Variants in GFPT1 observed in about 807,000 individuals in gnomAD.
GFPT1 encodes glutamine--fructose-6-phosphate transaminase 1.
In GFPT1, 40 loss-of-function variants were observed where a neutral mutation model predicts 92.0. The observed-to-expected ratio is 0.43, with a 90% CI of 0.34 to 0.57. GFPT1 has a LOEUF of 0.57. Among genes scored for constraint, GFPT1 ranks in the 20% least tolerant of loss-of-function variants. The pLI, the probability that GFPT1 is intolerant of heterozygous loss-of-function variation, is 0.02. For synonymous variants in GFPT1, 269 were observed against 280.6 expected, an observed-to-expected ratio of 0.96 and a Z score of 0.41; for missense variants, 448 against 869.1, an observed-to-expected ratio of 0.52 and a Z score of 6.09.
rs144120046 is a variant in GFPT1, at chr2:69,367,344, T to TTTGTTGTTG, written c.223+2648_223+2656dup. Among the ~76,000 whole-genome samples, 2,261 of 150,332 alleles carry TTTGTTGTTG rather than the reference T, an allele frequency of 0.015. 113 individuals are homozygous for TTTGTTGTTG. The East Asian group carries it at 0.17, about 11-fold the overall frequency. On this transcript the variant is annotated intron_variant, in intron 3 of 19. Transcript: ENST00000357308. ...ATTCACTATCATATACAACTTATTT[T>TTTGTTGTTG]TTGTTGTTGTTGTTGTTGTTGTTGT...
At position 69,324,321 on chromosome 2, in the gene GFPT1, TTAAAC is replaced by T. The variant is rs1274269269; in HGVS notation, c.*1863_*1867del. The T allele has an allele frequency of 1.1e-4, 17 of 152,256 alleles. No homozygotes were observed. The highest frequency in any genetic ancestry group is 5.9e-4 in the Admixed American group (9 of 15,294). 9.4% of individuals were successfully genotyped at this position (152,256 alleles called of 1,614,324 possible). A position where few individuals can be genotyped will look rare whatever the true frequency, so the allele number is the denominator to read the frequency against. ...TTAACTTAGAATGCTGAATCATACT[TTAAAC>T]TATAAGAAATGCTACAAACCCACAC... On this transcript the variant is annotated 3_prime_UTR_variant, in exon 20 of 20. Transcript: ENST00000357308.
rs115653599 is a variant in GFPT1 at position 69,345,697 on chromosome 2, C to G, written c.1105+207G>C. The stretch of plus-strand genomic sequence containing the variant: ...CCCTTGGTAACCATTAATCTACTTT[C>G]TCTTTCTGTGAATCTGACTATTCTA... On this transcript the variant is annotated intron_variant, in intron 12 of 19. Transcript: ENST00000357308. 0.012 allele frequency among the ~76,000 whole-genome samples: 1,784 copies of G among 152,272 alleles called. 33 individuals carry two copies. The highest frequency in any genetic ancestry group is 0.041 in the African/African-American group (1,694 of 41,550).
chr2:69,347,247 C>CA (rs1477190554), intron 11 of GFPT1, among the ~76,000 whole-genome samples: 1 of 150,798 alleles, frequency 6.6e-6, no homozygotes, highest in Non-Finnish European at 1.5e-5. Flanking sequence ...GATAAGGTCT[C>CA]ACTATGTTGC....
In GFPT1 at chr2:69,338,362, T is replaced by C. The variant is rs1670854485; in HGVS notation, c.1324+83A>G. ...GTCATCTGCAATGCCAGTTTATCTT[T>C]AAATATCAGCTTTTGCCAAGATATG... is the stretch of plus-strand genomic sequence containing the variant. On this transcript the variant is annotated intron_variant, in intron 14 of 19. Coordinates refer to ENST00000357308, the MANE Select transcript of GFPT1 (RefSeq NM_001244710.2). 6.7e-6 allele frequency: 8 copies of C among 1,196,492 alleles called. No homozygotes were observed. In the South Asian group the frequency reaches 1.0e-4, roughly 15 times the overall value. The allele number at this position is 1,196,492 out of a possible 1,614,324, so 74.1% of individuals were successfully genotyped here.
chr2:69,348,029 C>T (rs1031511402), intron 11 of GFPT1, 142 bp downstream of exon 11: 39 of 724,798 alleles, frequency 5.4e-5, no homozygotes, highest in Middle Eastern at 3.3e-4. Context: ...AAGAATCATC[C>T]CTTTTCCTAG....
intron 1 of GFPT1, among the ~76,000 whole-genome samples, chr2:69,384,693 C>CAAAAAAAAAAAAAAAAAAAAAAAAAAAAA (rs71964630): frequency 1.0e-4 from 11 of 106,612 alleles, no homozygotes; most frequent in Admixed American, 3.6e-4. Flanking sequence ...GGCCCCGTCA[C>CAAAAAAAAAAAAAAAAAAAAAAAAAAAAA]AAAAAAAAAA....
chr2:69,384,576 G>C (rs1240190691), intron 1 of GFPT1, among the ~76,000 whole-genome samples: 1 of 151,292 alleles, frequency 6.6e-6, no homozygotes. Context: ...GCCAGGTGTG[G>C]TGGTACACCC....
At chr2:69,339,840 T>C (rs1670895161) in intron 13 of GFPT1, among the ~76,000 whole-genome samples, 1 of 152,168 alleles carries the variant, frequency 6.6e-6, no homozygotes, top group Admixed American at 6.5e-5. Flanking sequence ...TCATTGAAGA[T>C]AAAATGCTCC....
chr2:69,377,207 C>CAAA lies in GFPT1; in HGVS notation c.8-3097_8-3095dup, dbSNP rs59023245. Among the ~76,000 whole-genome samples the CAAA allele has an allele frequency of 6.1e-3, 512 of 84,160 alleles. 15 individuals carry two copies. The highest frequency in any genetic ancestry group is 0.021 in the African/African-American group (443 of 21,418). The allele number at this position is 84,160 out of a possible 152,430, so 55.2% of individuals were successfully genotyped here. A position where few individuals can be genotyped will look rare whatever the true frequency, so the allele number is the denominator to read the frequency against. ...TGGGCAACAGAGCAAGACTCCGTCTCAAAAAAAAAAAAAAAAAAAAGATTA... is the reference window on the plus strand; with the variant it reads ...TGGGCAACAGAGCAAGACTCCGTCTCAAAAAAAAAAAAAAAAAAAAAAAGATTA... On this transcript the variant is annotated intron_variant, in intron 1 of 19. Coordinates refer to ENST00000357308, the MANE Select transcript of GFPT1 (RefSeq NM_001244710.2).
At chr2:69,336,353 A>G (rs995928496) in intron 15 of GFPT1, among the ~76,000 whole-genome samples, 14 of 149,428 alleles carry the variant, frequency 9.4e-5, no homozygotes, top group Admixed American at 5.4e-4. Context: ...AAAAAAAAAA[A>G]AAAGAAAAAG....
intron 9 of GFPT1, among the ~76,000 whole-genome samples, chr2:69,352,635 A>AC (rs1435529061): frequency 6.6e-6 from 1 of 151,376 alleles, no homozygotes; most frequent in Non-Finnish European, 1.5e-5. Flanking sequence ...AAAAAAAAAA[A>AC]AACAACTACT....
intron 15 of GFPT1, among the ~76,000 whole-genome samples, chr2:69,331,988 A>G (rs1401762377): frequency 6.6e-6 from 1 of 152,216 alleles, no homozygotes; most frequent in Non-Finnish European, 1.5e-5. Context: ...TTTTAGACTC[A>G]GATAACTCTT....
chr2:69,359,950 T>G (rs1671426353), intron 4 of GFPT1, among the ~76,000 whole-genome samples: 1 of 152,226 alleles, frequency 6.6e-6, no homozygotes, highest in Non-Finnish European at 1.5e-5. Flanking sequence ...AATTTTCATC[T>G]TTTTTAACTA....
At chr2:69,375,497 C>G (rs377168815) in intron 1 of GFPT1, among the ~76,000 whole-genome samples, 1 of 152,106 alleles carries the variant, frequency 6.6e-6, no homozygotes, top group East Asian at 1.9e-4. Context: ...GCAATTTTCT[C>G]AAATAAATTA....
At chr2:69,375,514 C>A (rs550434236) in intron 1 of GFPT1, among the ~76,000 whole-genome samples, 29 of 152,098 alleles carry the variant, frequency 1.9e-4, no homozygotes, top group Admixed American at 3.9e-4. Flanking sequence ...ATTATTATGC[C>A]CTAAAAAAGA....
intron 15 of GFPT1, 111 bp from the exon 16 acceptor site, chr2:69,329,909 ATTCT>A (rs1670620053): frequency 1.4e-6 from 1 of 734,414 alleles, no homozygotes; most frequent in Admixed American, 2.0e-5. Context: ...TACAGTATAT[ATTCT>A]CTATCTCTTA....
chr2:69,370,250 C>A, intron 2 of GFPT1, 142 bp from the exon 3 acceptor site: 1 of 667,654 alleles, frequency 1.5e-6, no homozygotes, highest in East Asian at 2.7e-5. Context: ...CTACTGAAAA[C>A]CTATTGTGTG....
Position 69,325,961 on chromosome 2 carries a change from A to G in GFPT1, c.*228T>C. 2.1e-6 allele frequency: 1 copy of G among 483,922 alleles called. No homozygotes were observed. Among genetic ancestry groups the G allele is most frequent in the Non-Finnish European group, 3.6e-6 (1 of 275,046 alleles). The allele number at this position is 483,922 out of a possible 1,614,324, so 30.0% of individuals were successfully genotyped here. ...AATAGCTAGAATCTTTCTGATACAG[A>G]TTCCAATATAGATTCCATTATTCAA... On this transcript the variant is annotated 3_prime_UTR_variant, in exon 20 of 20. Coordinates refer to ENST00000357308, the MANE Select transcript of GFPT1 (RefSeq NM_001244710.2).
At position 69,321,332 on chromosome 2, in the gene GFPT1, T is replaced by C. The variant is rs1164418372; in HGVS notation, c.*4857A>G. 2.0e-5 allele frequency: 3 copies of C among 152,230 alleles called. No homozygotes were observed. The highest frequency in any genetic ancestry group is 6.5e-5 in the Admixed American group (1 of 15,284). 9.4% of individuals were successfully genotyped at this position (152,230 alleles called of 1,614,324 possible). ...AACTGGGAAGTTCGGGTAGAGACAG[T>C]GGCTTTTGGTAATATTTAGGCAGTG... On this transcript the variant is annotated 3_prime_UTR_variant, in exon 20 of 20. Transcript: ENST00000357308.
Sources: allele counts gnomAD v4.1 joint callset (sites outside exome capture counted in the v4.1 genomes callset), GRCh38; gene constraint gnomAD v4.1.1; transcripts MANE v1.5; gene names NCBI Gene and HGNC (gene_info 2026-07-23, HGNC 2026-07-21).